SUDS3: variants seen among roughly 807,000 people sequenced by gnomAD.
The protein encoded by SUDS3 is SIN3A corepressor complex component SDS3.
A neutral mutation model predicts 53.5 loss-of-function variants in SUDS3; 23 were observed. The observed-to-expected ratio is 0.43, with a 90% CI of 0.31 to 0.61. The LOEUF (loss-of-function observed/expected upper bound fraction) is 0.61. SUDS3 is among the 20% of genes least tolerant of loss of function. The pLI is 0.10. For missense variants in SUDS3, 291 were observed against 405.9 expected, an observed-to-expected ratio of 0.72 and a Z score of 2.43; for synonymous variants, 150 against 148.5, an observed-to-expected ratio of 1.01 and a Z score of -0.08.
chr12:118,410,496 G>C (rs2046348119), intron 10 of SUDS3, among the ~76,000 whole-genome samples: 1 of 152,004 alleles, frequency 6.6e-6, no homozygotes, highest in African/African-American at 2.4e-5. Context: ...AGGGACCAAG[G>C]AATATAAGCT....
chr12:118,388,189 G>C (rs1362775607), intron 4 of SUDS3, among the ~76,000 whole-genome samples: 1 of 152,210 alleles, frequency 6.6e-6, no homozygotes, highest in Non-Finnish European at 1.5e-5. Flanking sequence ...AAAGTGGGTA[G>C]GACTTCTGGG....
intron 6 of SUDS3, among the ~76,000 whole-genome samples, chr12:118,392,728 G>A (rs2046178735): frequency 6.6e-6 from 1 of 152,164 alleles, no homozygotes; most frequent in Admixed American, 6.5e-5. Flanking sequence ...ATTGTTCTCT[G>A]CTAGAGCCAC....
At position 118,384,058 on chromosome 12, in the gene SUDS3, C is replaced by G; in HGVS notation, c.259C>G (p.Leu87Val). ...LASLKRQLQQ[L>V]QEGTLQEYQK... ...TTCTCTCAAGAGGCAGTTGCAACAA[C>G]TGCAAGAAGGTTGGTGTGTGATTGA... The change falls in exon 3 of 12, where the codon CTG becomes GTG. Residue 87 changes from leucine (L) to valine (V), a missense_variant. Physicochemically the swap from Leu to Val is conservative, Grantham distance 32. Coordinates refer to ENST00000543473, the MANE Select transcript of SUDS3 (RefSeq NM_022491.3). 2 of 1,613,462 alleles carry G rather than the reference C, an allele frequency of 1.2e-6. No homozygotes were observed. Among genetic ancestry groups the G allele is most frequent in the Non-Finnish European group, 1.7e-6 (2 of 1,179,686 alleles).
At chr12:118,401,321 A>G (rs1342355613) in intron 7 of SUDS3, among the ~76,000 whole-genome samples, 1 of 152,190 alleles carries the variant, frequency 6.6e-6, no homozygotes, top group Non-Finnish European at 1.5e-5. Flanking sequence ...AAAATGGCTT[A>G]GTCATTTGTG....
At chr12:118,397,367 C>T (rs1289584183) in intron 6 of SUDS3, among the ~76,000 whole-genome samples, 2 of 152,160 alleles carry the variant, frequency 1.3e-5, no homozygotes, top group Non-Finnish European at 2.9e-5. Flanking sequence ...CAGCTCGTTG[C>T]TTACAGTGAG....
In SUDS3 at chr12:118,414,742, ACCT is replaced by A. The variant is rs755479086; in HGVS notation, c.*314_*316del. 2.3e-5 allele frequency: 5 copies of A among 217,318 alleles called. No homozygotes were observed. Among genetic ancestry groups the A allele is most frequent in the Non-Finnish European group, 2.7e-5 (3 of 111,560 alleles). 13.5% of individuals were successfully genotyped at this position (217,318 alleles called of 1,614,324 possible). A position where few individuals can be genotyped will look rare whatever the true frequency, so the allele number is the denominator to read the frequency against. ...TTTTTGCTTATACTTGTTTTTGAAA[ACCT>A]CCTCTGAGTTTGAAGGGACAGCTAT... On this transcript the variant is annotated 3_prime_UTR_variant, in exon 12 of 12. Coordinates refer to ENST00000543473, the MANE Select transcript of SUDS3 (RefSeq NM_022491.3).
At position 118,376,914 on chromosome 12, in the gene SUDS3, C is replaced by T. The variant is rs1593744810; in HGVS notation, c.142+81C>T. The T allele has an allele frequency of 2.7e-5, 9 of 327,446 alleles. No homozygotes were observed. In the East Asian group the frequency reaches 8.1e-4, roughly 29 times the overall value. 20.3% of individuals were successfully genotyped at this position (327,446 alleles called of 1,614,324 possible). The stretch of plus-strand genomic sequence containing the variant: ...GGGGTGGGGCTGTTCGGGAGAGGGG[C>T]GGGGCGGCCTCCGGGGCCTGGGGCT... On this transcript the variant is annotated intron_variant, in intron 1 of 11. Transcript: ENST00000543473.
intron 11 of SUDS3, among the ~76,000 whole-genome samples, chr12:118,411,586 C>A (rs2046360446): frequency 3.3e-5 from 5 of 152,080 alleles, no homozygotes; most frequent in Admixed American, 3.3e-4. Flanking sequence ...CAACTTCCAC[C>A]TCCCAGGTTC....
chr12:118,410,683 G>A (rs1468191450), intron 10 of SUDS3, among the ~76,000 whole-genome samples: 3 of 151,784 alleles, frequency 2.0e-5, no homozygotes, highest in Admixed American at 6.6e-5. Flanking sequence ...TGCAAGCTCC[G>A]CCTCCCGGGT....
chr12:118,405,845 G>C (rs1354504317), intron 10 of SUDS3, among the ~76,000 whole-genome samples: 3 of 152,192 alleles, frequency 2.0e-5, no homozygotes, highest in Non-Finnish European at 4.4e-5. Context: ...TTCTTTGGCA[G>C]ACGTGGCCTG....
In SUDS3 at chr12:118,416,589, T is replaced by G. The variant is rs1185921132; in HGVS notation, c.*2156T>G. 6.6e-6 allele frequency: 1 copy of G among 152,152 alleles called. No homozygotes were observed. Among genetic ancestry groups the G allele is most frequent in the Non-Finnish European group, 1.5e-5 (1 of 68,024 alleles). 9.4% of individuals were successfully genotyped at this position (152,152 alleles called of 1,614,324 possible). A position where few individuals can be genotyped will look rare whatever the true frequency, so the allele number is the denominator to read the frequency against. Reference sequence around the variant, plus strand: ...AAATGGGGGCAGGTGAGAAGTCCATTTTGAGAATCAGCATAGTAAATTACA... The same window carrying G: ...AAATGGGGGCAGGTGAGAAGTCCATGTTGAGAATCAGCATAGTAAATTACA... On this transcript the variant is annotated 3_prime_UTR_variant, in exon 12 of 12. Coordinates refer to ENST00000543473, the MANE Select transcript of SUDS3 (RefSeq NM_022491.3).
At chr12:118,397,724 A>G (rs923149046) in intron 6 of SUDS3, among the ~76,000 whole-genome samples, 2 of 146,300 alleles carry the variant, frequency 1.4e-5, no homozygotes, top group Admixed American at 6.8e-5. Context: ...AATAAAATAG[A>G]TTTTTTTTTT....
chr12:118,407,988 G>A (rs1172816124), intron 10 of SUDS3, among the ~76,000 whole-genome samples: 3 of 152,034 alleles, frequency 2.0e-5, no homozygotes, highest in Admixed American at 6.5e-5. Context: ...TGCAACCTCC[G>A]CCTCCCGAGT....
intron 4 of SUDS3, among the ~76,000 whole-genome samples, chr12:118,386,518 A>G (rs904906432): frequency 6.6e-6 from 1 of 151,050 alleles, no homozygotes; most frequent in Non-Finnish European, 1.5e-5. Flanking sequence ...GATGAGGAAA[A>G]GGATTGTAGG....
intron 6 of SUDS3, among the ~76,000 whole-genome samples, chr12:118,392,994 G>A (rs964131700): frequency 1.1e-4 from 16 of 152,264 alleles, no homozygotes; most frequent in African/African-American, 3.4e-4. Context: ...CATTTGTAAC[G>A]CAATAAAATA....
chr12:118,389,959 G>T lies in SUDS3; in HGVS notation c.360+13G>T. 6.2e-7 allele frequency: 1 copy of T among 1,614,008 alleles called. No individual in the cohort carries two copies. The highest frequency in any genetic ancestry group is 8.5e-7 in the Non-Finnish European group (1 of 1,179,868). On this transcript the variant is annotated intron_variant, in intron 5 of 11. Coordinates refer to ENST00000543473, the MANE Select transcript of SUDS3 (RefSeq NM_022491.3). The stretch of plus-strand genomic sequence containing the variant: ...CCTCCAGCTGGAAGTAAGTACCACG[G>T]ATCTTCTGGGTTTGCAGGCCCTGTC...
chr12:118,406,487 C>CT (rs2046309502), intron 10 of SUDS3, among the ~76,000 whole-genome samples: 1 of 152,144 alleles, frequency 6.6e-6, no homozygotes, highest in Non-Finnish European at 1.5e-5. Context: ...TAAGAAATTG[C>CT]TTTTCGAAAA....
At chr12:118,410,879 G>A (rs550224511) in intron 10 of SUDS3, among the ~76,000 whole-genome samples, 194 bp from the exon 11 acceptor site, 14 of 152,192 alleles carry the variant, frequency 9.2e-5, no homozygotes, top group African/African-American at 2.9e-4. Context: ...TTACAGGCTT[G>A]AGCCACCGCG....
intron 1 of SUDS3, 122 bp downstream of exon 1, chr12:118,376,955 C>A (rs974388608): frequency 8.1e-7 from 1 of 1,230,486 alleles, no homozygotes; most frequent in African/African-American, 1.6e-5. Flanking sequence ...GAGGGGCCGC[C>A]GGGAGTTGCG....
Sources: gnomAD v4.1 joint callset for allele counts (sites outside exome capture counted in the v4.1 genomes callset) on GRCh38, gnomAD v4.1.1 for gene constraint, MANE v1.5 for transcripts, NCBI Gene and HGNC (gene_info 2026-07-23, HGNC 2026-07-21) for gene names.